Variants in TJP1 observed in about 807,000 individuals in gnomAD.
TJP1 encodes the protein tight junction protein ZO-1.
TJP1 carries 43 observed loss-of-function variants against 194.2 expected under a neutral mutation model. That is an observed-to-expected ratio of 0.22 (90% CI 0.17 to 0.29). TJP1 has a LOEUF of 0.29. Among genes scored for constraint, TJP1 ranks in the 10% least tolerant of loss-of-function variants. The pLI is 1.00. For synonymous variants in TJP1, 801 were observed against 779.0 expected (o/e 1.03, Z -0.47); for missense variants, 1,971 against 2,185.7 (o/e 0.90, Z 1.96).
At chr15:29,717,237 C>G (rs564096884) in intron 22 of TJP1, among the ~76,000 whole-genome samples, 2 of 152,298 alleles carry the variant, frequency 1.3e-5, no homozygotes, top group African/African-American at 4.8e-5. Flanking sequence ...TTTAAGAACT[C>G]AGTCCAGGAT....
At chr15:29,834,650 G>A (rs892689420) in intron 2 of TJP1, among the ~76,000 whole-genome samples, 1 of 152,194 alleles carries the variant, frequency 6.6e-6, no homozygotes. Flanking sequence ...ATTAAATATG[G>A]TGAACGGAAA....
chr15:29,950,189 A>ACCACCTCCACCT (rs2055679568), intron 2 of TJP1, among the ~76,000 whole-genome samples: 1 of 100,654 alleles, frequency 9.9e-6, no homozygotes, highest in Non-Finnish European at 2.1e-5. Flanking sequence ...CACCTCCACC[A>ACCACCTCCACCT]CCACCACCAC....
intron 18 of TJP1, among the ~76,000 whole-genome samples, chr15:29,723,860 A>G (rs964060625): frequency 2.0e-5 from 3 of 152,236 alleles, no homozygotes; most frequent in African/African-American, 7.2e-5. Flanking sequence ...TCAACAGGTT[A>G]TCACTGGACA....
At position 29,720,506 on chromosome 15, in the gene TJP1, G is replaced by A; in HGVS notation, c.2615C>T (p.Ser872Phe). 1 of 1,614,158 alleles carries A rather than the reference G, an allele frequency of 6.2e-7. No homozygotes were observed. The highest frequency in any genetic ancestry group is 8.5e-7 in the Non-Finnish European group (1 of 1,180,032). ...AGGCTCAGAGGACCGTGTAATGGCAGACTCCGGTGGAGTCCCAACCTCATC... is the reference window on the plus strand; with the variant it reads ...AGGCTCAGAGGACCGTGTAATGGCAAACTCCGGTGGAGTCCCAACCTCATC... ...LNDEVGTPPE[S>F]AITRSSEPVR... Residue 872 changes from serine to phenylalanine, a missense_variant, in exon 19 of 28, where the codon TCT (serine) becomes TTT (phenylalanine). Physicochemically the swap from Ser to Phe is radical, Grantham distance 155. Coordinates refer to ENST00000614355, the MANE Select transcript of TJP1 (RefSeq NM_001330239.4).
chr15:29,786,442 G>T (rs2047705840), intron 2 of TJP1, among the ~76,000 whole-genome samples: 1 of 152,116 alleles, frequency 6.6e-6, no homozygotes, highest in Non-Finnish European at 1.5e-5. Context: ...TGTATAGAGA[G>T]ACCTTTGTTT....
intron 18 of TJP1, among the ~76,000 whole-genome samples, chr15:29,725,849 TTTTTAAC>T (rs1279575216): frequency 6.6e-6 from 1 of 152,206 alleles, no homozygotes; most frequent in African/African-American, 2.4e-5. Flanking sequence ...TGAAGTCGGC[TTTTTAAC>T]TTTTAAGATG....
At chr15:29,790,789 T>C (rs1406018919) in intron 2 of TJP1, among the ~76,000 whole-genome samples, 2 of 149,688 alleles carry the variant, frequency 1.3e-5, no homozygotes, top group Non-Finnish European at 3.0e-5. Context: ...AGTGAGAAAA[T>C]GTGGTATTCG....
At chr15:29,848,972 A>G (rs963611836) in intron 2 of TJP1, among the ~76,000 whole-genome samples, 2 of 152,180 alleles carry the variant, frequency 1.3e-5, no homozygotes, top group African/African-American at 4.8e-5. Context: ...TTCACATAAG[A>G]TAAATAGAAT....
chr15:29,860,919 T>C (rs975524011), intron 2 of TJP1, among the ~76,000 whole-genome samples: 1 of 152,242 alleles, frequency 6.6e-6, no homozygotes, highest in Non-Finnish European at 1.5e-5. Flanking sequence ...TTCTTACATG[T>C]AATGCTACTG....
At chr15:29,755,686 A>G in intron 8 of TJP1, among the ~76,000 whole-genome samples, 1 of 152,222 alleles carries the variant, frequency 6.6e-6, no homozygotes. Context: ...GATTTGCTAA[A>G]TATAAACTGG....
chr15:29,965,940 C>A (rs1280381273), intron 1 of TJP1, among the ~76,000 whole-genome samples: 1 of 152,170 alleles, frequency 6.6e-6, no homozygotes, highest in Non-Finnish European at 1.5e-5. Flanking sequence ...ACAAAAGCCT[C>A]TTGCCTTTTC....
chr15:29,816,841 CA>C (rs1347614630), intron 1 of TJP1, among the ~76,000 whole-genome samples: 1 of 152,052 alleles, frequency 6.6e-6, no homozygotes, highest in Non-Finnish European at 1.5e-5. Context: ...ATGTAAAACC[CA>C]AAACCATAAA....
intron 2 of TJP1, among the ~76,000 whole-genome samples, chr15:29,797,528 G>GA (rs550178289): frequency 2.4e-4 from 35 of 148,028 alleles, no homozygotes; most frequent in African/African-American, 8.2e-4. Flanking sequence ...CACAGAATGG[G>GA]AAAAAAATAC....
chr15:29,897,117 C>A (rs2053500222), intron 2 of TJP1, among the ~76,000 whole-genome samples: 1 of 152,170 alleles, frequency 6.6e-6, no homozygotes, highest in South Asian at 2.1e-4. Context: ...AGTGCCCCCT[C>A]CCTGCCCATC....
chr15:29,876,080 T>G (rs939448541), intron 2 of TJP1, among the ~76,000 whole-genome samples: 1 of 152,230 alleles, frequency 6.6e-6, no homozygotes. Flanking sequence ...CATAGTCTCA[T>G]GTGGCTAGTA....
At chr15:29,932,581 A>G (rs2054756699) in intron 2 of TJP1, among the ~76,000 whole-genome samples, 1 of 152,186 alleles carries the variant, frequency 6.6e-6, no homozygotes, top group African/African-American at 2.4e-5. Context: ...TTTTTAAAAC[A>G]AGACATTAAA....
At chr15:29,845,789 C>A (rs1020010727) in intron 2 of TJP1, among the ~76,000 whole-genome samples, 1 of 152,042 alleles carries the variant, frequency 6.6e-6, no homozygotes, top group African/African-American at 2.4e-5. Flanking sequence ...GGTGACAGGG[C>A]GAGACTCCAT....
chr15:29,752,018 G>A (rs2045316606), intron 8 of TJP1, among the ~76,000 whole-genome samples: 1 of 151,994 alleles, frequency 6.6e-6, no homozygotes, highest in Non-Finnish European at 1.5e-5. Flanking sequence ...TCAACCTCTT[G>A]GGCTCAAGCA....
chr15:29,836,337 A>G (rs937111046), intron 2 of TJP1, among the ~76,000 whole-genome samples: 2 of 151,942 alleles, frequency 1.3e-5, no homozygotes, highest in African/African-American at 4.8e-5. Flanking sequence ...CAGTTGCACA[A>G]TCTCAGCTCA....
Sources: gnomAD v4.1 joint callset for allele counts (sites outside exome capture counted in the v4.1 genomes callset) on GRCh38, gnomAD v4.1.1 for gene constraint, MANE v1.5 for transcripts, NCBI Gene and HGNC (gene_info 2026-07-23, HGNC 2026-07-21) for gene names.